The following ENTPD4 variants were observed in gnomAD, a reference collection of about 807,000 sequenced individuals.
The protein encoded by ENTPD4 is Golgi UDPase.
A neutral mutation model predicts 79.1 loss-of-function variants in ENTPD4; 60 were observed. The ratio of observed to expected loss-of-function variants is 0.76; its 90% CI spans 0.62 to 0.94. ENTPD4 has a LOEUF of 0.94. Ranked by LOEUF, ENTPD4 falls within the 40% of genes least tolerant of loss-of-function variation. The probability of loss-of-function intolerance (pLI) is 0.00; values close to 1 mark genes in which losing one functional copy is unlikely to be tolerated. For missense variants in ENTPD4, 772 were observed against 775.1 expected (o/e 1.00, Z 0.05); for synonymous variants, 276 against 292.0 (o/e 0.95, Z 0.56).
At position 23,434,393 on chromosome 8, in the gene ENTPD4, CA is replaced by C. The variant is rs1297152509; in HGVS notation, c.1545del (p.Ala516ProfsTer25). 6.2e-7 allele frequency: 1 copy of C among 1,614,068 alleles called. No homozygotes were observed. Among genetic ancestry groups the C allele is most frequent in the Admixed American group, 1.7e-5 (1 of 60,004 alleles). ...ACCTCCTTGTCGTAAACTTGCAAGG[CA>C]GTCTTTAAGCTTTTATAGTTGACAG... The part of the protein sequence containing the change: ...SFPVNYKSLK[T>X]ALQVYDKEVQ... On this transcript the variant is annotated frameshift_variant, in exon 12 of 13. Transcript: ENST00000358689. LOFTEE classifies it high-confidence loss of function.
At chr8:23,438,053 T>C (rs1435664590) in intron 9 of ENTPD4, among the ~76,000 whole-genome samples, 2 of 152,230 alleles carry the variant, frequency 1.3e-5, no homozygotes, top group East Asian at 1.9e-4. Context: ...AGATGCCCTG[T>C]AGAAAATAAA....
intron 4 of ENTPD4, among the ~76,000 whole-genome samples, chr8:23,446,898 T>G (rs1800772194): frequency 6.6e-6 from 1 of 152,254 alleles, no homozygotes; most frequent in South Asian, 2.1e-4. Context: ...TTTCTTGGAT[T>G]GTTTGCATTT....
At chr8:23,446,539 A>G (rs1327858799) in intron 4 of ENTPD4, among the ~76,000 whole-genome samples, 2 of 152,230 alleles carry the variant, frequency 1.3e-5, no homozygotes, top group African/African-American at 4.8e-5. Context: ...ATGTACTCTG[A>G]TAAAATAATG....
chr8:23,435,093 G>C (rs1479817225), intron 11 of ENTPD4, among the ~76,000 whole-genome samples: 1 of 152,218 alleles, frequency 6.6e-6, no homozygotes, highest in African/African-American at 2.4e-5. Context: ...TGAGGGGACA[G>C]AGGAAGACTG....
intron 6 of ENTPD4, 126 bp from the exon 7 acceptor site, chr8:23,442,192 A>G (rs759756368): frequency 1.1e-4 from 72 of 633,924 alleles, no homozygotes; most frequent in African/African-American, 1.8e-4. Context: ...ATCATCTGAA[A>G]TAACACCTTG....
intron 8 of ENTPD4, 139 bp downstream of exon 8, chr8:23,441,430 T>C (rs1359634064): frequency 6.8e-7 from 1 of 1,474,722 alleles, no homozygotes; most frequent in Non-Finnish European, 9.0e-7. Flanking sequence ...TCGTCCTGTC[T>C]CCTTTCTCCT....
intron 9 of ENTPD4, among the ~76,000 whole-genome samples, chr8:23,437,768 A>G (rs532704998): frequency 3.9e-4 from 59 of 152,330 alleles, no homozygotes; most frequent in African/African-American, 1.4e-3. Context: ...TTTGGTATCA[A>G]ATTGCCTTGC....
chr8:23,430,806 A>G lies in ENTPD4; in HGVS notation c.*2120T>C. 1 of 985,574 alleles carries G rather than the reference A, an allele frequency of 1.0e-6. No homozygotes were observed. The allele number at this position is 985,574 out of a possible 1,614,324, so 61.1% of individuals were successfully genotyped here. On this transcript the variant is annotated 3_prime_UTR_variant, in exon 13 of 13. Transcript: ENST00000358689. ...CCTTTCTTCCCTCTCTGCTGCTGAC[A>G]CCAGTGGCTCCATCGCCAGCTCCCT...
rs549156516 is a variant in ENTPD4, at chr8:23,435,695, A to G, written c.1375-218T>C. Among the ~76,000 whole-genome samples the G allele has an allele frequency of 6.6e-5, 10 of 152,350 alleles. No individual in the cohort carries two copies. The East Asian group carries it at 1.3e-3, about 21-fold the overall frequency. ...CTTGCCTTAAAATTCTGTCCAGGGT[A>G]TTGTTAAAGAGAGCTTTGCTGTCCA... On this transcript the variant is annotated intron_variant, in intron 10 of 12. Transcript: ENST00000358689.
chr8:23,441,541 A>T, intron 8 of ENTPD4, 28 bp downstream of exon 8: 5 of 1,605,342 alleles, frequency 3.1e-6, no homozygotes, highest in Non-Finnish European at 4.3e-6. Context: ...ACCAAACCAA[A>T]CAGAAGGAAA....
chr8:23,447,833 C>T lies in ENTPD4; in HGVS notation c.259G>A (p.Val87Met). Residue 87 changes from valine (V) to methionine (M), a missense_variant, in exon 4 of 13, where the codon GTG becomes ATG. Transcript: ENST00000358689. ...CAGTCCACCACGATCCCATAGTTCACATTGGGGTTATTGGTGTCTGTAGCT... is the reference window on the plus strand; with the variant it reads ...CAGTCCACCACGATCCCATAGTTCATATTGGGGTTATTGGTGTCTGTAGCT... Reference protein sequence around the residue: ...IEATDTNNPNVNYGIVVDCGS... With the variant: ...IEATDTNNPNMNYGIVVDCGS... 1 of 1,614,216 alleles carries T rather than the reference C, an allele frequency of 6.2e-7. No individual in the cohort carries two copies. The highest frequency in any genetic ancestry group is 8.5e-7 in the Non-Finnish European group (1 of 1,180,028).
chr8:23,456,671 A>T (rs1016428778), intron 1 of ENTPD4, among the ~76,000 whole-genome samples: 1 of 152,366 alleles, frequency 6.6e-6, no homozygotes, highest in African/African-American at 2.4e-5. Context: ...TTATAATTCT[A>T]CTATGTCAAA....
Position 23,441,421 on chromosome 8 carries a change from C to T in ENTPD4, c.882+148G>A, listed in dbSNP as rs550291276. The T allele has an allele frequency of 3.0e-5, 44 of 1,459,274 alleles. No individual in the cohort carries two copies. The South Asian group carries it at 3.7e-4, about 12-fold the overall frequency. The allele number at this position is 1,459,274 out of a possible 1,614,324, so 90.4% of individuals were successfully genotyped here. ...CGGCTCAGCTGAGGTCTGCCTTGTT[C>T]GTCCTGTCTCCTTTCTCCTGGGTTG... On this transcript the variant is annotated intron_variant, in intron 8 of 12. Transcript: ENST00000358689.
chr8:23,448,688 G>C, intron 3 of ENTPD4, 54 bp downstream of exon 3: 1 of 1,456,752 alleles, frequency 6.9e-7, no homozygotes, highest in South Asian at 1.2e-5. Context: ...CCTAAAACAG[G>C]TAAGACAGAA....
chr8:23,443,793 G>T (rs745530993), intron 6 of ENTPD4, 57 bp downstream of exon 6: 1 of 987,552 alleles, frequency 1.0e-6, no homozygotes, highest in Non-Finnish European at 1.6e-6. Flanking sequence ...TGGTGAAAAT[G>T]GGGAGGATTT....
At position 23,431,473 on chromosome 8, in the gene ENTPD4, T is replaced by G; in HGVS notation, c.*1453A>C. On this transcript the variant is annotated 3_prime_UTR_variant, in exon 13 of 13. Transcript: ENST00000358689. ...GGTGAAAAAACACCAATCTCACATA[T>G]GCCAATCCAATTGTCCTTTTTAGAT... 1.0e-6 allele frequency: 1 copy of G among 985,452 alleles called. No individual in the cohort carries two copies. 61.0% of individuals were successfully genotyped at this position (985,452 alleles called of 1,614,324 possible).
chr8:23,449,887 A>G lies in ENTPD4; in HGVS notation c.8+6T>C, dbSNP rs756415057. 1.9e-6 allele frequency: 3 copies of G among 1,612,170 alleles called. No homozygotes were observed. Among genetic ancestry groups the G allele is most frequent in the Non-Finnish European group, 2.5e-6 (3 of 1,178,274 alleles). ...ATGTTTCATGGTGATTAGGCCCATC[A>G]CTTACCTCCCCATACTGAAAGGTCA... On this transcript the variant is annotated splice_donor_region_variant and intron_variant, in intron 2 of 12. Transcript: ENST00000358689.
chr8:23,457,006 A>G (rs1800969914), intron 1 of ENTPD4, among the ~76,000 whole-genome samples: 1 of 152,240 alleles, frequency 6.6e-6, no homozygotes, highest in Non-Finnish European at 1.5e-5. Context: ...GACACATTCT[A>G]GACCATGAGA....
chr8:23,448,813 T>TG lies in ENTPD4; in HGVS notation c.134dup (p.Leu46ThrfsTer12). The TG allele has an allele frequency of 6.2e-7, 1 of 1,613,964 alleles. No individual in the cohort carries two copies. The highest frequency in any genetic ancestry group is 1.1e-5 in the South Asian group (1 of 91,072). On this transcript the variant is annotated frameshift_variant, in exon 3 of 13. Coordinates refer to ENST00000358689, the MANE Select transcript of ENTPD4 (RefSeq NM_004901.5). LOFTEE classifies it high-confidence loss of function. ...TTATGACAACAGAAAAATATAAAAGTGAAACAGCAGCAGCCAGGACACTAA... is the reference window on the plus strand; with the variant it reads ...TTATGACAACAGAAAAATATAAAAGTGGAAACAGCAGCAGCCAGGACACTAA...
Sources: gnomAD v4.1 joint callset for allele counts (sites outside exome capture counted in the v4.1 genomes callset) on GRCh38, gnomAD v4.1.1 for gene constraint, MANE v1.5 for transcripts, NCBI Gene and HGNC (gene_info 2026-07-23, HGNC 2026-07-21) for gene names.